ANKRD44: variants seen among roughly 807,000 people sequenced by gnomAD.
ANKRD44 encodes the protein serine/threonine-protein phosphatase 6 regulatory ankyrin repeat subunit B.
ANKRD44 carries 35 observed loss-of-function variants against 116.0 expected under a neutral mutation model. That is an observed-to-expected ratio of 0.30 (90% CI 0.23 to 0.40). The LOEUF is 0.40. Ranked by LOEUF, ANKRD44 falls within the 10% of genes least tolerant of loss-of-function variation. The pLI is 1.00. For missense variants in ANKRD44, 1,014 were observed against 1,242.6 expected (o/e 0.82, Z 2.77); for synonymous variants, 435 against 461.8 (o/e 0.94, Z 0.74).
Position 197,096,662 on chromosome 2 carries a change from G to A in ANKRD44, c.1100+3154C>T, listed in dbSNP as rs2078167672. Among the ~76,000 whole-genome samples, 3 of 152,110 alleles carry A rather than the reference G, an allele frequency of 2.0e-5. No individual in the cohort carries two copies. The South Asian group carries it at 6.2e-4, about 31-fold the overall frequency. The stretch of plus-strand genomic sequence containing the variant: ...TAATTTAAATACATTTGGCTATATT[G>A]CTTATGAATGAAAATGGGTTCTTTT... On this transcript the variant is annotated intron_variant, in intron 10 of 27. Coordinates refer to ENST00000282272, the MANE Select transcript of ANKRD44 (RefSeq NM_001195144.2).
chr2:197,298,817 T>C (rs190710759), intron 1 of ANKRD44, among the ~76,000 whole-genome samples: 2 of 151,968 alleles, frequency 1.3e-5, no homozygotes, highest in East Asian at 3.9e-4. Context: ...CTCAGGAGGC[T>C]GAGGTGGGAG....
At chr2:197,278,867 C>T (rs10931777) in intron 1 of ANKRD44, among the ~76,000 whole-genome samples, 109,163 of 152,164 alleles carry the variant, frequency 0.72, 39,299 homozygotes, top group South Asian at 0.81. Context: ...CAGAAACAGG[C>T]GGTGTGGTCT....
At chr2:197,133,735 C>G (rs761424285) in intron 4 of ANKRD44, among the ~76,000 whole-genome samples, 3 of 152,108 alleles carry the variant, frequency 2.0e-5, no homozygotes, top group Admixed American at 6.6e-5. Context: ...TTTTCTTCCC[C>G]TCAAATCTAC....
chr2:197,128,741 G>T (rs1009097770), intron 4 of ANKRD44, among the ~76,000 whole-genome samples: 2 of 152,136 alleles, frequency 1.3e-5, no homozygotes, highest in Non-Finnish European at 2.9e-5. Context: ...GCACTGCCTA[G>T]ATTTTATTCT....
chr2:196,989,231 A>G lies in ANKRD44; in HGVS notation c.*360T>C. ...ACCATTTGTTTCATTTCAAATAAAT[A>G]TAAACACATTTACAGCAAAAGTATA... is the stretch of plus-strand genomic sequence containing the variant. On this transcript the variant is annotated 3_prime_UTR_variant, in exon 28 of 28. Coordinates refer to ENST00000282272, the MANE Select transcript of ANKRD44 (RefSeq NM_001195144.2). 6 of 984,988 alleles carry G rather than the reference A, an allele frequency of 6.1e-6. No homozygotes were observed. The highest frequency in any genetic ancestry group is 7.2e-6 in the Non-Finnish European group (6 of 829,374). The allele number at this position is 984,988 out of a possible 1,614,324, so 61.0% of individuals were successfully genotyped here. A position where few individuals can be genotyped will look rare whatever the true frequency, so the allele number is the denominator to read the frequency against.
At chr2:197,035,293 G>A (rs1274488829) in intron 16 of ANKRD44, among the ~76,000 whole-genome samples, 1 of 152,066 alleles carries the variant, frequency 6.6e-6, no homozygotes, top group African/African-American at 2.4e-5. Flanking sequence ...TGAAAACATG[G>A]CAGGGAAAAA....
At chr2:197,008,903 G>A (rs770197774) in intron 19 of ANKRD44, 41 bp downstream of exon 19, 57 of 1,565,504 alleles carry the variant, frequency 3.6e-5, no homozygotes, top group Non-Finnish European at 4.8e-5. Context: ...TAGCTGCTGT[G>A]ATTGAAATGT....
chr2:196,984,157 A>G (rs959873881), downstream of ANKRD44, among the ~76,000 whole-genome samples: 1 of 152,220 alleles, frequency 6.6e-6, no homozygotes, highest in African/African-American at 2.4e-5. Flanking sequence ...TGATTCAGAA[A>G]CAAGAGAAAG....
At chr2:197,186,640 T>TTTTTTTTTTTTTTTTTG (rs1175697925) in intron 2 of ANKRD44, among the ~76,000 whole-genome samples, 1 of 122,730 alleles carries the variant, frequency 8.1e-6, no homozygotes, top group Non-Finnish European at 1.6e-5. Flanking sequence ...TTTTTTTTTT[T>TTTTTTTTTTTTTTTTTG]TTTTTTTAGA....
chr2:197,193,847 A>C (rs2080883921), intron 1 of ANKRD44, among the ~76,000 whole-genome samples: 1 of 152,152 alleles, frequency 6.6e-6, no homozygotes, highest in Non-Finnish European at 1.5e-5. Context: ...GCGCCACTGC[A>C]CTCCAGCCTG....
chr2:197,125,538 T>C, intron 5 of ANKRD44, 70 bp from the exon 6 acceptor site: 2 of 1,365,630 alleles, frequency 1.5e-6, no homozygotes, highest in Non-Finnish European at 2.1e-6. Context: ...TGCCTGCAGA[T>C]GATCTGAGCC....
At chr2:196,967,483 A>C (rs181490019) in intron 21 of ANKRD44, 22 of 460,670 alleles carry the variant, frequency 4.8e-5, no homozygotes, top group Admixed American at 1.2e-4. Flanking sequence ...GAAAAGAAAA[A>C]GTGTGCAATT....
chr2:197,126,108 T>G, intron 4 of ANKRD44, 71 bp from the exon 5 acceptor site: 1 of 1,495,612 alleles, frequency 6.7e-7, no homozygotes, highest in Non-Finnish European at 9.3e-7. Context: ...GTAAGATGCT[T>G]CACCAAACCC....
chr2:197,075,399 C>T (rs1206773510), intron 16 of ANKRD44, among the ~76,000 whole-genome samples: 1 of 152,210 alleles, frequency 6.6e-6, no homozygotes. Context: ...CCTTCCTCCA[C>T]TCAAACATAC....
chr2:197,001,652 T>G, intron 22 of ANKRD44, 101 bp downstream of exon 22: 1 of 762,670 alleles, frequency 1.3e-6, no homozygotes, highest in Non-Finnish European at 2.1e-6. Context: ...TATTTCAGTC[T>G]TATCTGTAAT....
chr2:196,978,696 T>A (rs2075776760), intron 21 of ANKRD44, among the ~76,000 whole-genome samples: 1 of 152,174 alleles, frequency 6.6e-6, no homozygotes, highest in African/African-American at 2.4e-5. Context: ...TAGTGATGGT[T>A]ACATAACTTT....
At chr2:197,295,715 T>G (rs981429226) in intron 1 of ANKRD44, among the ~76,000 whole-genome samples, 1 of 152,092 alleles carries the variant, frequency 6.6e-6, no homozygotes. Context: ...ATGGCAGGAA[T>G]GGAGTTAAGA....
At chr2:196,972,209 T>C (rs1053827845) in intron 21 of ANKRD44, among the ~76,000 whole-genome samples, 1 of 152,110 alleles carries the variant, frequency 6.6e-6, no homozygotes, top group African/African-American at 2.4e-5. Flanking sequence ...AATTTTATTT[T>C]ATATTATTTT....
At chr2:197,283,728 G>A (rs1484484093) in intron 1 of ANKRD44, among the ~76,000 whole-genome samples, 1 of 151,964 alleles carries the variant, frequency 6.6e-6, no homozygotes, top group Non-Finnish European at 1.5e-5. Flanking sequence ...TTTTACCAAA[G>A]TGAATTTTAA....
Sources: gnomAD v4.1 joint callset for allele counts (sites outside exome capture counted in the v4.1 genomes callset) on GRCh38, gnomAD v4.1.1 for gene constraint, MANE v1.5 for transcripts, NCBI Gene and HGNC (gene_info 2026-07-23, HGNC 2026-07-21) for gene names.